The following DNAH14 variants were observed in gnomAD, a reference collection of about 807,000 sequenced individuals.
DNAH14 encodes the protein dynein axonemal heavy chain 14, also known as axonemal beta dynein heavy chain 14.
DNAH14 carries 478 observed loss-of-function variants against 520.9 expected under a neutral mutation model. The ratio of observed to expected loss-of-function variants is 0.92; its 90% confidence interval spans 0.85 to 0.99. The LOEUF (loss-of-function observed/expected upper bound fraction) is 0.99. DNAH14 is among the 50% of genes least tolerant of loss of function. The pLI is 0.00. For missense variants in DNAH14, 4,831 were observed against 5,234.5 expected (o/e 0.92, Z 2.38); for synonymous variants, 1,581 against 1,757.2 (o/e 0.90, Z 2.51).
chr1:224,992,967 G>A (rs989974742), intron 8 of DNAH14, among the ~76,000 whole-genome samples: 16 of 152,026 alleles, frequency 1.1e-4, no homozygotes, highest in Admixed American at 2.6e-4. Context: ...ATGATCATAC[G>A]ATTTTTGTCC....
chr1:225,081,977 A>C (rs966712866), intron 19 of DNAH14, among the ~76,000 whole-genome samples: 1 of 152,136 alleles, frequency 6.6e-6, no homozygotes, highest in African/African-American at 2.4e-5. Flanking sequence ...CAAAATTTAA[A>C]AAACCCAAAC....
At chr1:224,973,463 C>T (rs897451185) in intron 7 of DNAH14, among the ~76,000 whole-genome samples, 17 of 152,160 alleles carry the variant, frequency 1.1e-4, no homozygotes, top group African/African-American at 9.7e-5. Flanking sequence ...TAGTCCCACA[C>T]GTGCATAATA....
rs2080759605 is a variant in DNAH14 at position 225,153,843 on chromosome 1, A to T, written c.5273+17A>T. The T allele has an allele frequency of 2.3e-5, 36 of 1,537,180 alleles. No homozygotes were observed. The highest frequency in any genetic ancestry group is 3.1e-5 in the Non-Finnish European group (35 of 1,135,050). ...GTTTAAATGGTCAGTTGAATTTTGA[A>T]TTGTTAGGTCAAAGGGAGTTATATA... On this transcript the variant is annotated intron_variant, in intron 34 of 85. Coordinates refer to ENST00000682510, the MANE Select transcript of DNAH14 (RefSeq NM_001367479.1).
chr1:225,051,780 C>CA lies in DNAH14; in HGVS notation c.2414dup (p.Asn805LysfsTer16). ...TACAATCTGTAATTGAAAAAAAGAA[C>CA]AAAAATTTATTGGAAGTAAGTATTT... On this transcript the variant is annotated frameshift_variant, in exon 17 of 86. Coordinates refer to ENST00000682510, the MANE Select transcript of DNAH14 (RefSeq NM_001367479.1). LOFTEE classifies it high-confidence loss of function. 6.7e-7 allele frequency: 1 copy of CA among 1,490,030 alleles called. No homozygotes were observed. The highest frequency in any genetic ancestry group is 8.9e-7 in the Non-Finnish European group (1 of 1,120,896). The allele number at this position is 1,490,030 out of a possible 1,614,324, so 92.3% of individuals were successfully genotyped here.
In DNAH14 at chr1:225,140,717, T is replaced by TTA. The variant is rs201300824; in HGVS notation, c.4255-40_4255-39dup. 2,464 of 1,246,282 alleles carry TTA rather than the reference T, an allele frequency of 2.0e-3. 4 individuals are homozygous for TTA. Among genetic ancestry groups the TTA allele is most frequent in the Middle Eastern group, 9.8e-3 (35 of 3,556 alleles). 77.2% of individuals were successfully genotyped at this position (1,246,282 alleles called of 1,614,324 possible). A position where few individuals can be genotyped will look rare whatever the true frequency, so the allele number is the denominator to read the frequency against. On this transcript the variant is annotated intron_variant, in intron 27 of 85. Coordinates refer to ENST00000682510, the MANE Select transcript of DNAH14 (RefSeq NM_001367479.1). ...AATTTGAATAAAATTTATGCTTCAA[T>TTA]TATATATATATAGAGAGAGATATAT...
chr1:225,219,772 C>T (rs191058966), intron 41 of DNAH14, among the ~76,000 whole-genome samples: 1 of 152,104 alleles, frequency 6.6e-6, no homozygotes, highest in African/African-American at 2.4e-5. Flanking sequence ...TTATTCCAAA[C>T]AATAGAAAAT....
chr1:225,316,755 G>A (rs7536139), intron 60 of DNAH14, among the ~76,000 whole-genome samples: 35,971 of 151,964 alleles, frequency 0.24, 4,478 homozygotes, highest in East Asian at 0.35. Flanking sequence ...CACCTTCTGC[G>A]TTGATCTCGC....
In DNAH14 at chr1:225,289,983, C is replaced by T. The variant is rs752298597; in HGVS notation, c.8370C>T (p.Ala2790=). ...LYRVPISHKC[A]YIEFKEVFKK... ...GAGTGCCTATATCTCACAAATGTGCCTACATCGAATTCAAAGAAGTCTTTA... is the reference window on the plus strand; with the variant it reads ...GAGTGCCTATATCTCACAAATGTGCTTACATCGAATTCAAAGAAGTCTTTA... The change falls in exon 55 of 86, where the codon GCC becomes GCT. Residue 2790 remains alanine, a synonymous_variant. Coordinates refer to ENST00000682510, the MANE Select transcript of DNAH14 (RefSeq NM_001367479.1). 2 of 1,542,878 alleles carry T rather than the reference C, an allele frequency of 1.3e-6. No homozygotes were observed. The highest frequency in any genetic ancestry group is 1.8e-6 in the Non-Finnish European group (2 of 1,142,230).
In DNAH14 at chr1:224,987,311, G is replaced by A. The variant is rs76297000; in HGVS notation, c.830+13158G>A. Among the ~76,000 whole-genome samples, 765 of 152,292 alleles carry A rather than the reference G, an allele frequency of 5.0e-3. 6 individuals carry two copies. The highest frequency in any genetic ancestry group is 0.017 in the African/African-American group (722 of 41,572). On this transcript the variant is annotated intron_variant, in intron 8 of 85. Transcript: ENST00000682510. ...AATCCAACAACAGGAGAAAGCCAGTGTCTCAGCTTGAGGATGGGAAGAGAG... is the reference window on the plus strand; with the variant it reads ...AATCCAACAACAGGAGAAAGCCAGTATCTCAGCTTGAGGATGGGAAGAGAG...
chr1:224,933,996 A>AC (rs1259853708), intron 1 of DNAH14, among the ~76,000 whole-genome samples: 1 of 152,004 alleles, frequency 6.6e-6, no homozygotes, highest in Non-Finnish European at 1.5e-5. Flanking sequence ...AAGCCAAAGT[A>AC]CCGTAACAGC....
At chr1:225,077,173 A>G (rs2072398102) in intron 17 of DNAH14, among the ~76,000 whole-genome samples, 1 of 152,196 alleles carries the variant, frequency 6.6e-6, no homozygotes, top group African/African-American at 2.4e-5. Flanking sequence ...TATTGAGATA[A>G]TCTTGCAGTT....
intron 54 of DNAH14, among the ~76,000 whole-genome samples, chr1:225,282,618 T>C (rs1055473742): frequency 6.6e-6 from 1 of 152,146 alleles, no homozygotes; most frequent in Non-Finnish European, 1.5e-5. Flanking sequence ...TGTTAGCAAC[T>C]GGAAGTTAAT....
At chr1:225,238,337 T>G (rs1558121930) in intron 42 of DNAH14, among the ~76,000 whole-genome samples, 1 of 152,222 alleles carries the variant, frequency 6.6e-6, no homozygotes, top group Non-Finnish European at 1.5e-5. Flanking sequence ...GTTTTCTGTC[T>G]CTTTTTCTTT....
Position 224,952,742 on chromosome 1 carries a change from C to A in DNAH14, c.40C>A (p.Gln14Lys). 6.2e-7 allele frequency: 1 copy of A among 1,602,900 alleles called. No homozygotes were observed. Among genetic ancestry groups the A allele is most frequent in the South Asian group, 1.1e-5 (1 of 88,924 alleles). Reference sequence around the variant, plus strand: ...ACCCATTGATTTGACAACTGAAAATCAAGAGATGGACAAGGAGGAAACCAA... The same window carrying A: ...ACCCATTGATTTGACAACTGAAAATAAAGAGATGGACAAGGAGGAAACCAA... ...FIPIDLTTEN[Q>K]EMDKEETKTK... Residue 14 changes from glutamine to lysine, a missense_variant, in exon 2 of 86, where the codon CAA (glutamine) becomes AAA (lysine). Physicochemically the swap from Gln to Lys is moderately conservative, Grantham distance 53 (BLOSUM62 1). Coordinates refer to ENST00000682510, the MANE Select transcript of DNAH14 (RefSeq NM_001367479.1).
intron 69 of DNAH14, among the ~76,000 whole-genome samples, chr1:225,344,580 T>C (rs12736525): frequency 0.11 from 17,293 of 152,198 alleles, 1,172 homozygotes; most frequent in East Asian, 0.26. Flanking sequence ...TATGACTGCA[T>C]CGTATTCCAT....
chr1:224,977,627 T>C (rs762194100), intron 8 of DNAH14, among the ~76,000 whole-genome samples: 1 of 152,168 alleles, frequency 6.6e-6, no homozygotes, highest in Non-Finnish European at 1.5e-5. Flanking sequence ...TTGTATACAT[T>C]AAATAGGTAC....
chr1:225,345,817 C>A, intron 69 of DNAH14, 145 bp from the exon 70 acceptor site: 2 of 602,358 alleles, frequency 3.3e-6, no homozygotes, highest in South Asian at 3.3e-5. Flanking sequence ...GAAATATTAC[C>A]TAACTTCATT....
intron 71 of DNAH14, among the ~76,000 whole-genome samples, chr1:225,350,490 A>C (rs1271962917): frequency 6.6e-6 from 1 of 152,064 alleles, no homozygotes; most frequent in Non-Finnish European, 1.5e-5. Context: ...AAGATCAATA[A>C]AATTTGCAAA....
At position 225,206,198 on chromosome 1, in the gene DNAH14, A is replaced by T; in HGVS notation, c.6186+19A>T. The T allele has an allele frequency of 6.6e-7, 1 of 1,519,640 alleles. No individual in the cohort carries two copies. 94.1% of individuals were successfully genotyped at this position (1,519,640 alleles called of 1,614,324 possible). On this transcript the variant is annotated intron_variant, in intron 40 of 85. Transcript: ENST00000682510. ...CTATATGGTAAGCTTTCAAAAACAAATGTTTTAACAAAGCAAAAATGTTGT... is the reference window on the plus strand; with the variant it reads ...CTATATGGTAAGCTTTCAAAAACAATTGTTTTAACAAAGCAAAAATGTTGT...
Sources: allele counts gnomAD v4.1 joint callset (sites outside exome capture counted in the v4.1 genomes callset), GRCh38; gene constraint gnomAD v4.1.1; transcripts MANE v1.5; gene names NCBI Gene and HGNC (gene_info 2026-07-23, HGNC 2026-07-21).